COL4A2: variants seen among roughly 807,000 people sequenced by gnomAD.
COL4A2 encodes the protein collagen type IV alpha 2 chain.
Under a neutral mutation model 200.2 loss-of-function variants are expected in COL4A2, and 99 were observed. The observed-to-expected ratio is 0.49, with a 90% CI of 0.42 to 0.58. COL4A2 has a LOEUF of 0.58. Among genes scored for constraint, COL4A2 ranks in the 20% least tolerant of loss-of-function variants. The pLI, the probability that COL4A2 is intolerant of heterozygous loss-of-function variation, is 0.00. For synonymous variants in COL4A2, 897 were observed against 900.6 expected, an observed-to-expected ratio of 1.00 and a Z score of 0.07; for missense variants, 1,950 against 2,314.1, an observed-to-expected ratio of 0.84 and a Z score of 3.23.
chr13:110,457,609 C>A (rs1248804159), intron 21 of COL4A2, 174 bp downstream of exon 21: 1 of 697,594 alleles, frequency 1.4e-6, no homozygotes. Flanking sequence ...GCGCATGGAG[C>A]CAGTGGTGCT....
chr13:110,483,119 G>A (rs9521804), intron 32 of COL4A2, among the ~76,000 whole-genome samples: 30,283 of 152,030 alleles, frequency 0.2, 3,692 homozygotes, highest in Admixed American at 0.28. Flanking sequence ...ACCCTCACGC[G>A]GACAGGCATC....
chr13:110,459,323 G>A (rs9521783), intron 22 of COL4A2: 15,320 of 172,376 alleles, frequency 0.089, 779 homozygotes, highest in Middle Eastern at 0.15. Flanking sequence ...CCAAATGTGC[G>A]TCACCTGATG....
intron 31 of COL4A2, 107 bp downstream of exon 31, chr13:110,480,497 CT>C: frequency 2.4e-6 from 3 of 1,225,834 alleles, no homozygotes; most frequent in Non-Finnish European, 3.3e-6. Flanking sequence ...TGGGGCTGGC[CT>C]CACACTTCTG....
At chr13:110,393,607 G>A (rs916372606) in intron 4 of COL4A2, among the ~76,000 whole-genome samples, 10 of 150,110 alleles carry the variant, frequency 6.7e-5, no homozygotes, top group African/African-American at 1.5e-4. Flanking sequence ...GGCCAGGCCC[G>A]GTGGCTCACA....
Position 110,501,779 on chromosome 13 carries a change from T to G in COL4A2, c.3872T>G (p.Leu1291Arg). Residue 1291 changes from leucine to arginine, a missense_variant, in exon 41 of 48, where the codon CTG becomes CGG. By Grantham distance (102) the Leu-to-Arg change is moderately radical (BLOSUM62 -2). Coordinates refer to ENST00000360467, the MANE Select transcript of COL4A2 (RefSeq NM_001846.4). Reference sequence around the variant, plus strand: ...AAAGGGGCGCCAGGGATATTTGGCCTGAAAGGTAAGCAGGACTTATACATC... The same window carrying G: ...AAAGGGGCGCCAGGGATATTTGGCCGGAAAGGTAAGCAGGACTTATACATC... ...GDKGAPGIFG[L>R]KGYRGPPGPP... 1 of 1,613,310 alleles carries G rather than the reference T, an allele frequency of 6.2e-7. No homozygotes were observed. The highest frequency in any genetic ancestry group is 8.5e-7 in the Non-Finnish European group (1 of 1,179,530).
At position 110,337,194 on chromosome 13, in the gene COL4A2, C is replaced by T. The variant is rs562011329; in HGVS notation, c.100-20278C>T. 3.4e-4 allele frequency among the ~76,000 whole-genome samples: 52 copies of T among 152,346 alleles called. No homozygotes were observed. In the East Asian group the frequency reaches 7.1e-3, roughly 21 times the overall value. On this transcript the variant is annotated intron_variant, in intron 3 of 47. Coordinates refer to ENST00000360467, the MANE Select transcript of COL4A2 (RefSeq NM_001846.4). ...AGTTGCAGTCCTGGCGCTCTGATTC[C>T]GCGGTTCTGGAATGGGGCATGGGCG...
At chr13:110,468,692 G>C (rs538106850) in intron 27 of COL4A2, among the ~76,000 whole-genome samples, 1 of 152,202 alleles carries the variant, frequency 6.6e-6, no homozygotes, top group East Asian at 1.9e-4. Flanking sequence ...CAGGAACGGG[G>C]ATAAAAAAGT....
At chr13:110,469,693 T>C (rs1049390593) in intron 28 of COL4A2, among the ~76,000 whole-genome samples, 1 of 152,176 alleles carries the variant, frequency 6.6e-6, no homozygotes, top group African/African-American at 2.4e-5. Context: ...TAAATAGCCC[T>C]CTCACAATGT....
intron 21 of COL4A2, chr13:110,458,102 C>T (rs772446789): frequency 4.3e-6 from 2 of 469,702 alleles, no homozygotes; most frequent in Non-Finnish European, 8.8e-6. Flanking sequence ...ACGTCTTGGC[C>T]GTTTTGGCGT....
At chr13:110,488,816 A>G (rs9559819) in intron 34 of COL4A2, among the ~76,000 whole-genome samples, 22,434 of 152,180 alleles carry the variant, frequency 0.15, 1,694 homozygotes, top group African/African-American at 0.2. Context: ...GCGAGGATGT[A>G]GTCAGAGTCA....
intron 30 of COL4A2, among the ~76,000 whole-genome samples, chr13:110,479,368 G>A (rs1882812168): frequency 6.6e-6 from 1 of 152,286 alleles, no homozygotes; most frequent in Non-Finnish European, 1.5e-5. Context: ...GTCAGAGCAA[G>A]CCCAAGGGGA....
chr13:110,429,822 T>C lies in COL4A2; in HGVS notation c.478-63T>C, dbSNP rs1594209441. 3 of 1,508,786 alleles carry C rather than the reference T, an allele frequency of 2.0e-6. No homozygotes were observed. In the East Asian group the frequency reaches 6.8e-5, roughly 34 times the overall value. The allele number at this position is 1,508,786 out of a possible 1,614,324, so 93.5% of individuals were successfully genotyped here. ...GTTCAGTCATCCACATTACCATAGC[T>C]GCACCGAATGTTAATGGACTCTTTT... On this transcript the variant is annotated intron_variant, in intron 7 of 47. Coordinates refer to ENST00000360467, the MANE Select transcript of COL4A2 (RefSeq NM_001846.4).
At chr13:110,322,790 G>A (rs150549963) in intron 3 of COL4A2, among the ~76,000 whole-genome samples, 19 of 152,356 alleles carry the variant, frequency 1.2e-4, no homozygotes, top group East Asian at 7.7e-4. Context: ...TCCTCCCACA[G>A]CACAGGACCT....
intron 3 of COL4A2, among the ~76,000 whole-genome samples, chr13:110,347,938 C>A (rs1457038510): frequency 1.3e-5 from 2 of 152,228 alleles, no homozygotes; most frequent in Admixed American, 6.5e-5. Flanking sequence ...TATGTCTTGC[C>A]GCCGTGTTGA....
At chr13:110,418,008 GCC>G (rs1161469464) in intron 4 of COL4A2, among the ~76,000 whole-genome samples, 1 of 152,078 alleles carries the variant, frequency 6.6e-6, no homozygotes, top group Non-Finnish European at 1.5e-5. Context: ...CCTGCCGGCA[GCC>G]CATGGAATTC....
In COL4A2 at chr13:110,513,032, G is replaced by A. The variant is rs546115954; in HGVS notation, c.*841G>A. 1.3e-5 allele frequency: 2 copies of A among 152,304 alleles called. No individual in the cohort carries two copies. The highest frequency in any genetic ancestry group is 1.9e-4 in the East Asian group (1 of 5,182). 9.4% of individuals were successfully genotyped at this position (152,304 alleles called of 1,614,324 possible). On this transcript the variant is annotated 3_prime_UTR_variant, in exon 48 of 48. Transcript: ENST00000360467. ...TTGGTTCTGAATATTTTTAAACCCC[G>A]AGTTGTTGACCGCCTTAATCTCGTG...
rs1883646654 is a variant in COL4A2 at position 110,501,661 on chromosome 13, T to C, written c.3761-7T>C. The C allele has an allele frequency of 6.2e-7, 1 of 1,609,000 alleles. No individual in the cohort carries two copies. Among genetic ancestry groups the C allele is most frequent in the South Asian group, 1.1e-5 (1 of 90,980 alleles). ...CTGAAAATAATTTCTTCTGTTTTCA[T>C]CCTAAGGGGAACGAGGCCCACCTGG... On this transcript the variant is annotated splice_polypyrimidine_tract_variant and splice_region_variant and intron_variant, in intron 40 of 47. Coordinates refer to ENST00000360467, the MANE Select transcript of COL4A2 (RefSeq NM_001846.4).
At chr13:110,484,154 C>T (rs1883030900) in intron 32 of COL4A2, among the ~76,000 whole-genome samples, 2 of 151,990 alleles carry the variant, frequency 1.3e-5, no homozygotes, top group Admixed American at 6.5e-5. Flanking sequence ...TAATTATTTC[C>T]TCGAGCCTCC....
rs4773198 is a variant in COL4A2, at chr13:110,503,364, C to T, written c.4040-19C>T. Reference sequence around the variant, plus strand: ...TCCCCACAGACTTTCGTGTCCCTAACGTCTTGTTTGTGTTGCAGGGCCCAG... The same window carrying T: ...TCCCCACAGACTTTCGTGTCCCTAATGTCTTGTTTGTGTTGCAGGGCCCAG... On this transcript the variant is annotated intron_variant, in intron 42 of 47. Transcript: ENST00000360467. 578,631 of 1,591,204 alleles carry T rather than the reference C, an allele frequency of 0.36. 107,309 individuals carry two copies. Among genetic ancestry groups the T allele is most frequent in the Middle Eastern group, 0.44 (2,624 of 5,962 alleles).
Sources: gnomAD v4.1 joint callset for allele counts (sites outside exome capture counted in the v4.1 genomes callset) on GRCh38, gnomAD v4.1.1 for gene constraint, MANE v1.5 for transcripts, NCBI Gene and HGNC (gene_info 2026-07-23, HGNC 2026-07-21) for gene names.